Variants in CSMD1 observed in about 807,000 individuals in gnomAD.
The protein encoded by CSMD1 is CUB and sushi domain-containing protein 1.
In CSMD1, 213 loss-of-function variants were observed where a neutral mutation model predicts 417.5. The observed-to-expected ratio is 0.51, with a 90% CI of 0.46 to 0.57. The LOEUF is 0.57. Among genes scored for constraint, CSMD1 ranks in the 20% least tolerant of loss-of-function variants. CSMD1 has a pLI of 0.00. For synonymous variants in CSMD1, 2,862 were observed against 1,736.8 expected (o/e 1.65, Z -16.11); for missense variants, 6,923 against 4,529.7 (o/e 1.53, Z -15.17).
chr8:3,250,521 G>A (rs1040415644), intron 26 of CSMD1, among the ~76,000 whole-genome samples: 3 of 152,140 alleles, frequency 2.0e-5, no homozygotes, highest in South Asian at 2.1e-4. Flanking sequence ...ATAAACATAC[G>A]TATGAATGGG....
intron 49 of CSMD1, among the ~76,000 whole-genome samples, chr8:3,070,814 T>C (rs1190424279): frequency 3.3e-5 from 5 of 152,230 alleles, no homozygotes; most frequent in Non-Finnish European, 4.4e-5. Flanking sequence ...GGTATCTTTA[T>C]AGCAATGTCC....
At chr8:3,779,524 T>A (rs537025089) in intron 5 of CSMD1, among the ~76,000 whole-genome samples, 1 of 152,292 alleles carries the variant, frequency 6.6e-6, no homozygotes, top group East Asian at 1.9e-4. Context: ...GGAAAATTAC[T>A]CTGCTAAATG....
At chr8:3,956,797 T>G (rs368961614) in intron 5 of CSMD1, among the ~76,000 whole-genome samples, 3 of 152,060 alleles carry the variant, frequency 2.0e-5, no homozygotes, top group Non-Finnish European at 2.9e-5. Context: ...ATTTAGGAGC[T>G]TGAAGGACAC....
intron 1 of CSMD1, among the ~76,000 whole-genome samples, chr8:4,785,371 G>A (rs1306882262): frequency 6.6e-6 from 1 of 152,104 alleles, no homozygotes. Context: ...TCTCAGAGCT[G>A]GTATGGAAGA....
At chr8:4,962,331 C>G (rs1321339136) in intron 1 of CSMD1, among the ~76,000 whole-genome samples, 1 of 152,032 alleles carries the variant, frequency 6.6e-6, no homozygotes, top group Non-Finnish European at 1.5e-5. Context: ...CCATCTTTGC[C>G]TCCCAATTAG....
At chr8:3,848,507 A>G (rs1803666086) in intron 5 of CSMD1, among the ~76,000 whole-genome samples, 2 of 152,102 alleles carry the variant, frequency 1.3e-5, no homozygotes, top group Non-Finnish European at 2.9e-5. Flanking sequence ...TTCCGATTTT[A>G]TAGCAAAAGC....
At chr8:3,053,274 C>T (rs1279701800) in intron 49 of CSMD1, among the ~76,000 whole-genome samples, 4 of 152,162 alleles carry the variant, frequency 2.6e-5, no homozygotes, top group South Asian at 4.2e-4. Context: ...GGTGTGGCCA[C>T]GGGAGCACAA....
chr8:4,329,824 A>T lies in CSMD1; in HGVS notation c.415+90129T>A, dbSNP rs184762994. Among the ~76,000 whole-genome samples, 19 of 148,790 alleles carry T rather than the reference A, an allele frequency of 1.3e-4. No homozygotes were observed. In the East Asian group the frequency reaches 3.3e-3, roughly 26 times the overall value. Reference sequence around the variant, plus strand: ...AGTTCTCATGAGATGTGGTCAATTAAAAAAGTGTGTGGCACCACCCTGCTT... The same window carrying T: ...AGTTCTCATGAGATGTGGTCAATTATAAAAGTGTGTGGCACCACCCTGCTT... On this transcript the variant is annotated intron_variant, in intron 3 of 69. Transcript: ENST00000635120.
chr8:4,614,788 G>C (rs1481044110), intron 2 of CSMD1, among the ~76,000 whole-genome samples: 1 of 151,978 alleles, frequency 6.6e-6, no homozygotes, highest in South Asian at 2.1e-4. Context: ...TATGTCTGTA[G>C]AATTTAAAAT....
At chr8:4,623,826 G>A (rs908396618) in intron 2 of CSMD1, among the ~76,000 whole-genome samples, 1 of 152,042 alleles carries the variant, frequency 6.6e-6, no homozygotes, top group East Asian at 1.9e-4. Flanking sequence ...GTTCAGTGGT[G>A]TGCTGGCAAC....
At chr8:4,551,854 A>ATT (rs776721276) in intron 2 of CSMD1, among the ~76,000 whole-genome samples, 13,831 of 139,248 alleles carry the variant, frequency 0.099, 899 homozygotes, top group African/African-American at 0.17. Context: ...AATTTTTTGT[A>ATT]TTTTTTTTTT....
intron 25 of CSMD1, among the ~76,000 whole-genome samples, chr8:3,288,996 T>C (rs1263483733): frequency 7.1e-6 from 1 of 140,646 alleles, no homozygotes; most frequent in Non-Finnish European, 1.5e-5. Flanking sequence ...CCCACAACAG[T>C]CCCCGGTGTG....
intron 3 of CSMD1, among the ~76,000 whole-genome samples, chr8:4,176,008 G>C (rs1334819370): frequency 6.6e-6 from 1 of 152,114 alleles, no homozygotes; most frequent in Non-Finnish European, 1.5e-5. Flanking sequence ...GCTAGCCCAG[G>C]CTTCTCGCCA....
intron 3 of CSMD1, among the ~76,000 whole-genome samples, chr8:4,310,711 C>T (rs776877486): frequency 5.3e-5 from 8 of 152,046 alleles, no homozygotes; most frequent in African/African-American, 9.7e-5. Flanking sequence ...CTGCAAGACA[C>T]GCAAGCATTG....
intron 2 of CSMD1, among the ~76,000 whole-genome samples, chr8:4,600,146 G>A (rs550922589): frequency 2.2e-4 from 33 of 152,250 alleles, no homozygotes; most frequent in African/African-American, 7.5e-4. Flanking sequence ...CCTAGCTGGG[G>A]CCATGTAGCT....
At chr8:4,239,327 T>C (rs1397554124) in intron 3 of CSMD1, among the ~76,000 whole-genome samples, 2 of 152,314 alleles carry the variant, frequency 1.3e-5, no homozygotes, top group Admixed American at 6.5e-5. Context: ...AAGGAGAAGA[T>C]TCCTCTGCCC....
chr8:4,409,379 G>C (rs1387190297), intron 3 of CSMD1, among the ~76,000 whole-genome samples: 1 of 151,922 alleles, frequency 6.6e-6, no homozygotes, highest in Non-Finnish European at 1.5e-5. Flanking sequence ...ACTAACAAAA[G>C]ATAATTTACC....
At chr8:3,927,299 G>C (rs1038254059) in intron 5 of CSMD1, among the ~76,000 whole-genome samples, 1 of 151,864 alleles carries the variant, frequency 6.6e-6, no homozygotes, top group African/African-American at 2.4e-5. Flanking sequence ...GTGCCAGACA[G>C]CATGAAAATT....
intron 1 of CSMD1, among the ~76,000 whole-genome samples, chr8:4,934,504 G>C (rs1262857800): frequency 6.6e-6 from 1 of 152,156 alleles, no homozygotes; most frequent in Non-Finnish European, 1.5e-5. Context: ...GCTTATCAGA[G>C]AGAGCTTCCG....
Sources: allele counts gnomAD v4.1 joint callset (sites outside exome capture counted in the v4.1 genomes callset), GRCh38; gene constraint gnomAD v4.1.1; transcripts MANE v1.5; gene names NCBI Gene and HGNC (gene_info 2026-07-23, HGNC 2026-07-21).